The following ZNF215 variants were observed in gnomAD, a reference collection of about 807,000 sequenced individuals.
The protein encoded by ZNF215 is zinc finger protein 215.
ZNF215 carries 24 observed loss-of-function variants against 27.2 expected under a neutral mutation model. The ratio of observed to expected loss-of-function variants is 0.88; its 90% CI spans 0.64 to 1.24. The LOEUF (loss-of-function observed/expected upper bound fraction) is 1.24, where lower values mean the gene tolerates loss of function less well. Ranked by LOEUF, ZNF215 falls within the 50% of genes most tolerant of loss-of-function variation. The pLI is 0.00. For synonymous variants in ZNF215, 210 were observed against 204.0 expected (o/e 1.03, Z -0.25); for missense variants, 675 against 605.7 (o/e 1.11, Z -1.20).
intron 2 of ZNF215, among the ~76,000 whole-genome samples, chr11:6,930,687 T>G (rs1370178236): frequency 6.6e-6 from 1 of 152,238 alleles, no homozygotes; most frequent in Non-Finnish European, 1.5e-5. Flanking sequence ...CATGTGTGCA[T>G]ATGATCTACT....
At chr11:6,944,136 T>A (rs1469012645) in intron 6 of ZNF215, among the ~76,000 whole-genome samples, 1 of 151,776 alleles carries the variant, frequency 6.6e-6, no homozygotes, top group African/African-American at 2.4e-5. Context: ...ATTAGCCGGG[T>A]GTGGTGGCGG....
At chr11:6,930,906 T>C (rs1849235039) in intron 2 of ZNF215, among the ~76,000 whole-genome samples, 1 of 152,244 alleles carries the variant, frequency 6.6e-6, no homozygotes, top group South Asian at 2.1e-4. Context: ...ATATATTGCC[T>C]ATAGCAGAGT....
intron 5 of ZNF215, among the ~76,000 whole-genome samples, chr11:6,983,232 C>T (rs1245574870): frequency 6.6e-6 from 1 of 152,130 alleles, no homozygotes; most frequent in Non-Finnish European, 1.5e-5. Context: ...TCTGAATAGA[C>T]CAATAACAGG....
chr11:6,989,150 C>CAAAAAAA (rs71056776), downstream of ZNF215, among the ~76,000 whole-genome samples: 2 of 76,764 alleles, frequency 2.6e-5, no homozygotes, highest in African/African-American at 4.9e-5. Flanking sequence ...AGATCCGTCT[C>CAAAAAAA]AAAAAAAAAA....
At chr11:6,967,602 G>C (rs184817208) in intron 5 of ZNF215, among the ~76,000 whole-genome samples, 1 of 151,946 alleles carries the variant, frequency 6.6e-6, no homozygotes, top group Non-Finnish European at 1.5e-5. Context: ...CATAAATGTC[G>C]TATTTTGAGA....
downstream of ZNF215, among the ~76,000 whole-genome samples, chr11:6,960,460 A>C (rs138280856): frequency 8.8e-3 from 1,343 of 152,292 alleles, 8 homozygotes; most frequent in Middle Eastern, 0.024. Context: ...AGCCTGAGCA[A>C]GCGAAAAACA....
At chr11:6,984,232 T>G (rs1349722715) in exon 6 of ZNF215, 1 of 283,310 alleles carries the variant, frequency 3.5e-6, no homozygotes. Context: ...CTCAGCCTCC[T>G]GAGTAGCTGG....
chr11:6,978,637 G>T (rs924785634), intron 5 of ZNF215, among the ~76,000 whole-genome samples: 5 of 151,872 alleles, frequency 3.3e-5, no homozygotes, highest in African/African-American at 1.2e-4. Context: ...GTGAATAGAA[G>T]GACAGGTGTA....
At chr11:6,958,058 T>C, downstream of ZNF215, 1 of 985,400 alleles carries the variant, frequency 1.0e-6, no homozygotes, top group Non-Finnish European at 1.2e-6. Flanking sequence ...TGTTTGTTCA[T>C]CCTTTATATT....
At chr11:6,943,019 A>T in intron 4 of ZNF215, 64 bp from the exon 5 acceptor site, 1 of 1,569,580 alleles carries the variant, frequency 6.4e-7, no homozygotes, top group Non-Finnish European at 8.6e-7. Flanking sequence ...CTTCAAATCC[A>T]TTCCTTCTCT....
chr11:6,955,083 G>C (rs961011242), intron 6 of ZNF215, among the ~76,000 whole-genome samples: 2 of 152,052 alleles, frequency 1.3e-5, no homozygotes, highest in Non-Finnish European at 2.9e-5. Context: ...AAGTACCAAA[G>C]CACTAATGTT....
downstream of ZNF215, among the ~76,000 whole-genome samples, chr11:6,984,981 CAT>C (rs1851031350): frequency 6.6e-6 from 1 of 152,148 alleles, no homozygotes; most frequent in African/African-American, 2.4e-5. Flanking sequence ...ACAAAGAAGA[CAT>C]AGTATCAATC....
At chr11:6,935,495 G>C (rs1849403161) in intron 3 of ZNF215, among the ~76,000 whole-genome samples, 1 of 152,142 alleles carries the variant, frequency 6.6e-6, no homozygotes, top group South Asian at 2.1e-4. Context: ...ACATAACATA[G>C]CATATAGAGT....
At chr11:6,980,696 T>G (rs1256733467) in intron 5 of ZNF215, among the ~76,000 whole-genome samples, 1 of 151,170 alleles carries the variant, frequency 6.6e-6, no homozygotes, top group Non-Finnish European at 1.5e-5. Context: ...GCCATGCTGG[T>G]GTGCTGCACC....
At chr11:6,986,645 C>A (rs183300237), downstream of ZNF215, among the ~76,000 whole-genome samples, 175 of 151,998 alleles carry the variant, frequency 1.2e-3, 2 homozygotes, top group Admixed American at 7.7e-3. Context: ...CCAGAATCTA[C>A]AAGGAACTTA....
chr11:6,993,113 C>G (rs1239317901), downstream of ZNF215, among the ~76,000 whole-genome samples: 1 of 152,090 alleles, frequency 6.6e-6, no homozygotes, highest in Non-Finnish European at 1.5e-5. Flanking sequence ...TCAGCCTACC[C>G]CCACATAGAC....
In ZNF215 at chr11:6,932,534, A is replaced by C; in HGVS notation, c.262A>C (p.Ile88Leu). Residue 88 changes from isoleucine to leucine, a missense_variant, in exon 3 of 7, where the codon ATA (isoleucine) becomes CTA (leucine). Ile to Leu is a conservative substitution (Grantham distance 5, BLOSUM62 2). Coordinates refer to ENST00000278319, the MANE Select transcript of ZNF215 (RefSeq NM_013250.4). ...AGAGATTCATACAAAGAAGCAGATT[A>C]TAGAACTGTTGGTGCTGGAACAATT... ...RPEIHTKKQI[I>L]ELLVLEQFLA... is the part of the protein sequence containing the mutation. 6.2e-7 allele frequency: 1 copy of C among 1,614,220 alleles called. No homozygotes were observed. The highest frequency in any genetic ancestry group is 1.1e-5 in the South Asian group (1 of 91,084).
chr11:6,943,351 C>T, intron 5 of ZNF215, 136 bp downstream of exon 5: 3 of 1,362,324 alleles, frequency 2.2e-6, no homozygotes, highest in Admixed American at 2.3e-5. Flanking sequence ...GACACAGTAG[C>T]AGATTTTCTG....
downstream of ZNF215, among the ~76,000 whole-genome samples, chr11:6,990,408 T>A (rs78077964): frequency 0.011 from 1,631 of 152,314 alleles, 28 homozygotes; most frequent in African/African-American, 0.038. Context: ...ACTATTTTTA[T>A]TTTTAAAAAC....
Sources: allele counts gnomAD v4.1 joint callset (sites outside exome capture counted in the v4.1 genomes callset), GRCh38; gene constraint gnomAD v4.1.1; transcripts MANE v1.5; gene names NCBI Gene and HGNC (gene_info 2026-07-23, HGNC 2026-07-21).